The following CCSER2 variants were observed in gnomAD, a reference collection of about 807,000 sequenced individuals.
CCSER2 encodes coiled-coil serine rich protein 2, also known as serine-rich coiled-coil domain-containing protein 2.
A neutral mutation model predicts 92.3 loss-of-function variants in CCSER2; 46 were observed. The ratio of observed to expected loss-of-function variants is 0.50; its 90% CI spans 0.39 to 0.64. The LOEUF is 0.64. CCSER2 is among the 30% of genes least tolerant of loss of function. CCSER2 has a pLI of 0.00. For synonymous variants in CCSER2, 433 were observed against 431.4 expected (o/e 1.00, Z -0.04); for missense variants, 1,244 against 1,238.9 (o/e 1.00, Z -0.06).
At chr10:84,403,884 A>G (rs967210939) in intron 3 of CCSER2, among the ~76,000 whole-genome samples, 1 of 152,216 alleles carries the variant, frequency 6.6e-6, no homozygotes, top group Non-Finnish European at 1.5e-5. Flanking sequence ...ATTGGGCTGG[A>G]AAAAGCCTCT....
intron 1 of CCSER2, among the ~76,000 whole-genome samples, chr10:84,348,278 C>T (rs955077155): frequency 1.3e-5 from 2 of 152,242 alleles, no homozygotes; most frequent in Non-Finnish European, 2.9e-5. Flanking sequence ...CAGCGAAACC[C>T]CGTCTCCACC....
chr10:84,477,457 G>T (rs1020049248), intron 8 of CCSER2, 118 bp from the exon 9 acceptor site: 4 of 507,474 alleles, frequency 7.9e-6, no homozygotes, highest in Non-Finnish European at 1.0e-5. Flanking sequence ...TTTTTTATAG[G>T]TAATTTAGTT....
chr10:84,398,006 C>T (rs1841932262), intron 3 of CCSER2, among the ~76,000 whole-genome samples: 1 of 152,148 alleles, frequency 6.6e-6, no homozygotes, highest in African/African-American at 2.4e-5. Context: ...TGACAAATTA[C>T]CACAAATACA....
chr10:84,451,719 C>G (rs1218199621), intron 6 of CCSER2, among the ~76,000 whole-genome samples: 2 of 152,068 alleles, frequency 1.3e-5, no homozygotes, highest in East Asian at 1.9e-4. Context: ...TTTGTAAATA[C>G]TATTTGCTTA....
At chr10:84,499,552 A>G (rs1010896257) in intron 9 of CCSER2, among the ~76,000 whole-genome samples, 9 of 152,210 alleles carry the variant, frequency 5.9e-5, no homozygotes, top group Non-Finnish European at 7.3e-5. Context: ...CTTTTTCTGC[A>G]AAAGACTGGA....
intron 1 of CCSER2, among the ~76,000 whole-genome samples, chr10:84,343,305 A>G (rs1444695014): frequency 6.6e-6 from 1 of 152,160 alleles, no homozygotes; most frequent in Non-Finnish European, 1.5e-5. Flanking sequence ...AGTAGTCCAG[A>G]CTTCTCTTAT....
At chr10:84,459,110 C>A (rs944721516) in intron 6 of CCSER2, among the ~76,000 whole-genome samples, 1 of 152,012 alleles carries the variant, frequency 6.6e-6, no homozygotes, top group Non-Finnish European at 1.5e-5. Context: ...TGGATTCAAG[C>A]GATTCTCCTG....
intron 9 of CCSER2, among the ~76,000 whole-genome samples, chr10:84,487,949 A>C (rs1847908428): frequency 6.6e-6 from 1 of 152,186 alleles, no homozygotes; most frequent in Non-Finnish European, 1.5e-5. Flanking sequence ...TTTAGCATGA[A>C]GCGCTGTTGA....
intron 3 of CCSER2, chr10:84,390,992 A>G (rs1369879298): frequency 7.8e-6 from 6 of 770,978 alleles, no homozygotes; most frequent in Admixed American, 6.8e-5. Context: ...AAATACCAGC[A>G]TAAGAACCTG....
chr10:84,379,100 T>G (rs1846502922), intron 3 of CCSER2, among the ~76,000 whole-genome samples: 1 of 152,258 alleles, frequency 6.6e-6, no homozygotes, highest in African/African-American at 2.4e-5. Context: ...TTCAGCCTTC[T>G]GGACCTGGAG....
chr10:84,441,739 T>G (rs1350053816), intron 6 of CCSER2, among the ~76,000 whole-genome samples: 1 of 10,024 alleles, frequency 1.0e-4, no homozygotes, highest in African/African-American at 4.0e-4. Flanking sequence ...GGAAAATGTT[T>G]TTTTTTTTTT....
At chr10:84,367,374 C>T (rs1845828535) in intron 1 of CCSER2, among the ~76,000 whole-genome samples, 1 of 148,838 alleles carries the variant, frequency 6.7e-6, no homozygotes, top group African/African-American at 2.5e-5. Context: ...TTTTTTTTCT[C>T]CTCGATACTT....
intron 3 of CCSER2, among the ~76,000 whole-genome samples, chr10:84,412,641 T>A (rs1842710461): frequency 6.6e-6 from 1 of 152,102 alleles, no homozygotes; most frequent in African/African-American, 2.4e-5. Context: ...GGGGCCATTG[T>A]GAATGTGGAG....
intron 3 of CCSER2, among the ~76,000 whole-genome samples, chr10:84,401,288 A>G (rs573343329): frequency 6.6e-6 from 1 of 152,348 alleles, no homozygotes; most frequent in East Asian, 1.9e-4. Context: ...TGAAAAGATC[A>G]ATAAAATTGA....
chr10:84,457,285 A>AT (rs1440066540), intron 6 of CCSER2, among the ~76,000 whole-genome samples: 1 of 79,382 alleles, frequency 1.3e-5, no homozygotes, highest in Admixed American at 2.2e-4. Context: ...TATATTATAT[A>AT]TTATATATTA....
chr10:84,512,142 G>A (rs1849381415), intron 9 of CCSER2, among the ~76,000 whole-genome samples: 1 of 152,072 alleles, frequency 6.6e-6, no homozygotes, highest in Admixed American at 6.6e-5. Context: ...ATCCTGGGCA[G>A]CCATTGTCCA....
At chr10:84,509,099 C>G (rs1008234532) in intron 9 of CCSER2, among the ~76,000 whole-genome samples, 1 of 152,194 alleles carries the variant, frequency 6.6e-6, no homozygotes, top group Non-Finnish European at 1.5e-5. Flanking sequence ...GTATTTCCTG[C>G]TATCCTTCTA....
chr10:84,365,127 T>G (rs1845714500), intron 1 of CCSER2, among the ~76,000 whole-genome samples: 1 of 152,130 alleles, frequency 6.6e-6, no homozygotes, highest in African/African-American at 2.4e-5. Context: ...AAAAAAAAAC[T>G]GACATTTTCA....
At chr10:84,388,745 T>G (rs551468695) in intron 3 of CCSER2, among the ~76,000 whole-genome samples, 4 of 152,308 alleles carry the variant, frequency 2.6e-5, no homozygotes, top group Admixed American at 2.6e-4. Context: ...CATCAGGCAT[T>G]AGATTCTCAT....
Sources: gnomAD v4.1 joint callset for allele counts (sites outside exome capture counted in the v4.1 genomes callset) on GRCh38, gnomAD v4.1.1 for gene constraint, MANE v1.5 for transcripts, NCBI Gene and HGNC (gene_info 2026-07-23, HGNC 2026-07-21) for gene names.